The following NOL4 variants were observed in gnomAD, a reference collection of about 807,000 sequenced individuals.
NOL4 encodes nucleolar protein 4.
A neutral mutation model predicts 75.9 loss-of-function variants in NOL4; 17 were observed. That is an observed-to-expected ratio of 0.22 (90% CI 0.15 to 0.34). The LOEUF (loss-of-function observed/expected upper bound fraction) is 0.34, where lower values mean the gene tolerates loss of function less well. Ranked by LOEUF, NOL4 falls within the 10% of genes least tolerant of loss-of-function variation. The probability of loss-of-function intolerance (pLI) is 1.00; values close to 1 mark genes in which losing one functional copy is unlikely to be tolerated. For missense variants in NOL4, 614 were observed against 793.5 expected (o/e 0.77, Z 2.72); for synonymous variants, 292 against 289.9 (o/e 1.01, Z -0.07).
chr18:33,931,112 T>G lies in NOL4; in HGVS notation c.1542+11953A>C, dbSNP rs527467717. ...GGAAAAATTTATTTGACATAACAAA[T>G]GCAAAGCCTACTGAAAATGTGAGGA... On this transcript the variant is annotated intron_variant, in intron 9 of 10. Coordinates refer to ENST00000261592, the MANE Select transcript of NOL4 (RefSeq NM_003787.5). 2.6e-5 allele frequency among the ~76,000 whole-genome samples: 4 copies of G among 152,266 alleles called. No individual in the cohort carries two copies. In the East Asian group the frequency reaches 7.7e-4, roughly 29 times the overall value.
intron 5 of NOL4, among the ~76,000 whole-genome samples, chr18:34,066,678 C>T (rs1600463721): frequency 6.7e-6 from 1 of 149,670 alleles, no homozygotes. Flanking sequence ...ATTTCCAAAG[C>T]TTTTCTTCTA....
Position 34,143,848 on chromosome 18 carries a change from G to A in NOL4, c.265-13828C>T, listed in dbSNP as rs2081287419. On this transcript the variant is annotated intron_variant, in intron 1 of 10. Coordinates refer to ENST00000261592, the MANE Select transcript of NOL4 (RefSeq NM_003787.5). ...CCACTTCACTCCAGCCTGGGCAAAA[G>A]AGCAAAACTCCATCTCAAAAAAAAA... Among the ~76,000 whole-genome samples, 4 of 97,852 alleles carry A rather than the reference G, an allele frequency of 4.1e-5. No homozygotes were observed. In the South Asian group the frequency reaches 1.0e-3, roughly 25 times the overall value. 64.2% of individuals were successfully genotyped at this position (97,852 alleles called of 152,430 possible).
At chr18:33,937,448 T>C (rs999591861) in intron 9 of NOL4, among the ~76,000 whole-genome samples, 2 of 152,162 alleles carry the variant, frequency 1.3e-5, no homozygotes, top group Admixed American at 6.6e-5. Flanking sequence ...AGCAGTCAGA[T>C]GAGTGGCTTA....
intron 2 of NOL4, among the ~76,000 whole-genome samples, chr18:34,109,843 A>G (rs769361707): frequency 4.6e-5 from 7 of 151,870 alleles, no homozygotes; most frequent in Non-Finnish European, 7.4e-5. Flanking sequence ...AATATCAGAG[A>G]AATACAAAGA....
At chr18:34,210,664 T>C (rs936030348) in intron 1 of NOL4, among the ~76,000 whole-genome samples, 2 of 152,200 alleles carry the variant, frequency 1.3e-5, no homozygotes, top group African/African-American at 4.8e-5. Flanking sequence ...GAGCTTTTAG[T>C]AAGTTTTCAA....
At position 34,129,978 on chromosome 18, in the gene NOL4, C is replaced by T; in HGVS notation, c.307G>A (p.Ala103Thr). 1 of 1,596,122 alleles carries T rather than the reference C, an allele frequency of 6.3e-7. No individual in the cohort carries two copies. Among genetic ancestry groups the T allele is most frequent in the Non-Finnish European group, 8.5e-7 (1 of 1,170,382 alleles). ...VDEKLSLRRV[A>T]VVEDFFDIIY... The stretch of plus-strand genomic sequence containing the variant: ...ATGTCAAAGAAATCTTCAACCACAG[C>T]TACCCGTCGTAAAGATAGCTTCTCA... The change falls in exon 2 of 11, where the codon GCT becomes ACT. Residue 103 changes from alanine to threonine, a missense_variant. By Grantham distance (58) the Ala-to-Thr change is moderately conservative. This residue lies in a region of NOL4 where 135 missense variants were observed against 220.4 expected (regional missense o/e 0.61). Transcript: ENST00000261592.
chr18:33,957,305 GTGTTT>G lies in NOL4; in HGVS notation c.1428+16_1428+20del. ...TGGGATTTTGATGGAGTCTAGGGCT[GTGTTT>G]TAATTCAAAACTCACCATCTCAAAA... On this transcript the variant is annotated intron_variant, in intron 8 of 10. Coordinates refer to ENST00000261592, the MANE Select transcript of NOL4 (RefSeq NM_003787.5). 1 of 1,597,438 alleles carries G rather than the reference GTGTTT, an allele frequency of 6.3e-7. No homozygotes were observed. The highest frequency in any genetic ancestry group is 1.7e-5 in the Admixed American group (1 of 59,096).
At chr18:34,063,569 C>T (rs1015803438) in intron 5 of NOL4, among the ~76,000 whole-genome samples, 2 of 151,968 alleles carry the variant, frequency 1.3e-5, no homozygotes, top group Non-Finnish European at 1.5e-5. Flanking sequence ...GAGGTTTTCG[C>T]TCTTGCACTT....
intron 9 of NOL4, among the ~76,000 whole-genome samples, chr18:33,932,819 T>C (rs561697738): frequency 1.4e-4 from 22 of 152,130 alleles, no homozygotes; most frequent in Non-Finnish European, 2.6e-4. Context: ...CCCCAATTTC[T>C]ATACTCTTAT....
At chr18:34,101,536 A>G (rs1362317443) in intron 4 of NOL4, among the ~76,000 whole-genome samples, 4 of 152,138 alleles carry the variant, frequency 2.6e-5, no homozygotes, top group African/African-American at 9.6e-5. Context: ...GAAGATTCTA[A>G]CCAGATATTT....
intron 9 of NOL4, among the ~76,000 whole-genome samples, chr18:33,926,222 C>T (rs1331485685): frequency 1.3e-5 from 2 of 151,474 alleles, no homozygotes; most frequent in African/African-American, 4.8e-5. Flanking sequence ...TAGCTGGGTG[C>T]GGTGACACGC....
At chr18:34,132,092 T>A (rs768479571) in intron 1 of NOL4, among the ~76,000 whole-genome samples, 6 of 152,226 alleles carry the variant, frequency 3.9e-5, no homozygotes, top group Admixed American at 2.6e-4. Context: ...TTCCAGCTTC[T>A]GGTGCTTTAC....
chr18:34,170,265 C>T (rs1418604571), intron 1 of NOL4, among the ~76,000 whole-genome samples: 1 of 151,802 alleles, frequency 6.6e-6, no homozygotes, highest in Non-Finnish European at 1.5e-5. Flanking sequence ...GCAACCTCTG[C>T]CTCCTGGGTT....
intron 1 of NOL4, chr18:34,222,416 T>G: frequency 8.9e-7 from 1 of 1,124,720 alleles, no homozygotes. Context: ...TCTCTGGGAG[T>G]GATCGAGGCA....
At chr18:34,167,079 A>AT (rs2032460516) in intron 1 of NOL4, among the ~76,000 whole-genome samples, 1 of 145,216 alleles carries the variant, frequency 6.9e-6, no homozygotes, top group South Asian at 2.1e-4. Flanking sequence ...AAAAAAAAAA[A>AT]ATAGTAAAAA....
At chr18:33,978,826 T>C (rs976306897) in intron 6 of NOL4, among the ~76,000 whole-genome samples, 4 of 151,880 alleles carry the variant, frequency 2.6e-5, no homozygotes, top group African/African-American at 9.7e-5. Flanking sequence ...ATCATTTTTA[T>C]TGTTATATTG....
At chr18:34,188,884 T>C (rs918622721) in intron 1 of NOL4, among the ~76,000 whole-genome samples, 1 of 152,144 alleles carries the variant, frequency 6.6e-6, no homozygotes, top group Non-Finnish European at 1.5e-5. Flanking sequence ...GAACCCAAGG[T>C]ACATGACCTC....
At chr18:33,875,556 C>A (rs1036520082) in intron 10 of NOL4, among the ~76,000 whole-genome samples, 10 of 152,058 alleles carry the variant, frequency 6.6e-5, no homozygotes, top group Non-Finnish European at 1.5e-4. Context: ...AACTCTAAAA[C>A]TACTGTAGAC....
At chr18:33,973,573 G>C (rs531907067) in intron 6 of NOL4, among the ~76,000 whole-genome samples, 247 of 152,244 alleles carry the variant, frequency 1.6e-3, no homozygotes, top group African/African-American at 5.6e-3. Flanking sequence ...CCACAGCCTT[G>C]GGAAATGTAT....
Sources: gnomAD v4.1 joint callset for allele counts (sites outside exome capture counted in the v4.1 genomes callset) on GRCh38, gnomAD v4.1.1 for gene constraint, gnomAD v4.1.1 regional missense constraint, MANE v1.5 for transcripts, NCBI Gene and HGNC (gene_info 2026-07-23, HGNC 2026-07-21) for gene names.